The following RGPD8 variants were observed in gnomAD, a reference collection of about 807,000 sequenced individuals.
The protein encoded by RGPD8 is RANBP2-like and GRIP domain-containing protein 8.
RGPD8 carries 15 observed loss-of-function variants against 89.1 expected under a neutral mutation model. The observed-to-expected ratio is 0.17, with a 90% CI of 0.11 to 0.26. RGPD8 has a LOEUF of 0.26. RGPD8 is among the 10% of genes least tolerant of loss of function. The pLI is 1.00. For missense variants in RGPD8, 178 were observed against 1,179.6 expected, an observed-to-expected ratio of 0.15 and a Z score of 12.44; for synonymous variants, 62 against 420.9, an observed-to-expected ratio of 0.15 and a Z score of 10.44.
intron 1 of RGPD8, among the ~76,000 whole-genome samples, chr2:112,432,120 G>C (rs2104412431): frequency 1.3e-5 from 2 of 152,286 alleles, no homozygotes; most frequent in South Asian, 4.1e-4. Flanking sequence ...CGACAGTGCT[G>C]TGATTATTCA....
chr2:112,390,028 C>G lies in RGPD8; in HGVS notation c.2917G>C (p.Asp973His), dbSNP rs759881362. ...TCTCCTGAAGTTGATTTTGCAACAT[C>G]TGCAAATGTAAAAGTGCTACTTGTT... is the stretch of plus-strand genomic sequence containing the variant. ...GQTSSTFTFA[D>H]VAKSTSGEGF... The change falls in exon 20 of 23, where the codon GAT becomes CAT. Residue 973 changes from aspartate to histidine, a missense_variant. Transcript: ENST00000302558. The G allele has an allele frequency of 1.3e-6, 2 of 1,579,912 alleles. No individual in the cohort carries two copies. The highest frequency in any genetic ancestry group is 2.2e-5 in the South Asian group (2 of 89,332).
chr2:112,391,070 C>G lies in RGPD8; in HGVS notation c.2603-1G>C. 1 of 1,585,372 alleles carries G rather than the reference C, an allele frequency of 6.3e-7. No individual in the cohort carries two copies. The highest frequency in any genetic ancestry group is 8.5e-7 in the Non-Finnish European group (1 of 1,175,510). On this transcript the variant is annotated splice_acceptor_variant, in intron 18 of 22. Transcript: ENST00000302558. LOFTEE classifies it high-confidence loss of function. ...TATACTGAAGGGCCAGTAGTTGCAA[C>G]TGAAAAAAAAAAAAGAAAAGAAAGA... is the stretch of plus-strand genomic sequence containing the variant.
chr2:112,433,287 A>G (rs987581943), intron 1 of RGPD8, 95 bp downstream of exon 1: 4 of 1,351,700 alleles, frequency 3.0e-6, no homozygotes, highest in Non-Finnish European at 3.9e-6. Context: ...GTCGGGAGCC[A>G]TGACCCCTGA....
chr2:112,411,037 T>C (rs1469790794), intron 7 of RGPD8, among the ~76,000 whole-genome samples: 4 of 152,078 alleles, frequency 2.6e-5, no homozygotes, highest in Admixed American at 2.0e-4. Context: ...GTGAGCCAGA[T>C]GGCGCCATTG....
chr2:112,387,350 T>C lies in RGPD8; in HGVS notation c.4921+674A>G, dbSNP rs921010474. Reference sequence around the variant, plus strand: ...GAACATCTCAATATCATGTTTTTTTTTGTTTTTTGTTTTTTGTTTTTTTTG... The same window carrying C: ...GAACATCTCAATATCATGTTTTTTTCTGTTTTTTGTTTTTTGTTTTTTTTG... On this transcript the variant is annotated intron_variant, in intron 20 of 22. Transcript: ENST00000302558. Among the ~76,000 whole-genome samples the C allele has an allele frequency of 2.4e-5, 3 of 124,958 alleles. 1 individual carries two copies. The highest frequency in any genetic ancestry group is 9.0e-5 in the African/African-American group (3 of 33,322). 82.0% of individuals were successfully genotyped at this position (124,958 alleles called of 152,430 possible).
chr2:112,422,536 C>G lies in RGPD8; in HGVS notation c.252+12G>C. 1 of 1,610,418 alleles carries G rather than the reference C, an allele frequency of 6.2e-7. No individual in the cohort carries two copies. The highest frequency in any genetic ancestry group is 8.5e-7 in the Non-Finnish European group (1 of 1,179,214). On this transcript the variant is annotated intron_variant, in intron 3 of 22. Coordinates refer to ENST00000302558, the MANE Select transcript of RGPD8 (RefSeq NM_001164463.1). ...GGCTATGCAAAGGCTATATTTGAAT[C>G]CTATAACTTACCCTGTAACATTCAA...
At chr2:112,432,605 G>T in intron 1 of RGPD8, 2 of 985,324 alleles carry the variant, frequency 2.0e-6, no homozygotes, top group Non-Finnish European at 2.4e-6. Flanking sequence ...GGCCAAGGAG[G>T]TACGACCTCC....
chr2:112,371,055 T>C (rs1027668600), intron 22 of RGPD8, among the ~76,000 whole-genome samples: 2 of 151,030 alleles, frequency 1.3e-5, no homozygotes, highest in Non-Finnish European at 2.9e-5. Context: ...TAAGAGGATT[T>C]TAAAAAAAAT....
intron 1 of RGPD8, among the ~76,000 whole-genome samples, chr2:112,426,957 C>T (rs1383707199): frequency 6.6e-6 from 1 of 151,798 alleles, no homozygotes; most frequent in African/African-American, 2.4e-5. Context: ...CCACCATGCC[C>T]AGCTAATTTT....
Position 112,374,579 on chromosome 2 carries a change from G to A in RGPD8, c.5263+3474C>T, listed in dbSNP as rs1049249911. On this transcript the variant is annotated intron_variant, in intron 22 of 22. Coordinates refer to ENST00000302558, the MANE Select transcript of RGPD8 (RefSeq NM_001164463.1). ...AGATTTCTCTCTGTCTTTTTTAGGG[G>A]CAGTTTTACTCTTATGTGACTAGAA... is the stretch of plus-strand genomic sequence containing the variant. Among the ~76,000 whole-genome samples, 100 of 131,044 alleles carry A rather than the reference G, an allele frequency of 7.6e-4. 1 individual carries two copies. The highest frequency in any genetic ancestry group is 2.4e-3 in the African/African-American group (90 of 37,628). 86.0% of individuals were successfully genotyped at this position (131,044 alleles called of 152,430 possible).
chr2:112,372,994 G>A (rs1233636596), intron 22 of RGPD8, among the ~76,000 whole-genome samples: 2 of 143,032 alleles, frequency 1.4e-5, no homozygotes, highest in East Asian at 2.0e-4. Flanking sequence ...ATTCAGATCT[G>A]TAAACTGTAA....
intron 1 of RGPD8, among the ~76,000 whole-genome samples, chr2:112,430,323 G>A (rs540932361): frequency 1.3e-5 from 2 of 152,210 alleles, no homozygotes; most frequent in East Asian, 1.9e-4. Flanking sequence ...TCTATCCAAA[G>A]CACCCTGTTT....
chr2:112,371,205 A>G (rs1677958302), intron 22 of RGPD8, among the ~76,000 whole-genome samples: 1 of 114,354 alleles, frequency 8.7e-6, no homozygotes, highest in African/African-American at 3.3e-5. Context: ...CAACTTACTT[A>G]TAGTAAAACC....
At position 112,432,465 on chromosome 2, in the gene RGPD8, C is replaced by T. The variant is rs928864607; in HGVS notation, c.72+917G>A. 34 of 985,086 alleles carry T rather than the reference C, an allele frequency of 3.5e-5. No individual in the cohort carries two copies. The African/African-American group carries it at 5.8e-4, about 17-fold the overall frequency. The allele number at this position is 985,086 out of a possible 1,614,324, so 61.0% of individuals were successfully genotyped here. ...AGCGACAAACACCTCATACTCAAAACAAGGGGACTTTCCGTGTCATTTGTG... is the reference window on the plus strand; with the variant it reads ...AGCGACAAACACCTCATACTCAAAATAAGGGGACTTTCCGTGTCATTTGTG... On this transcript the variant is annotated intron_variant, in intron 1 of 22. Coordinates refer to ENST00000302558, the MANE Select transcript of RGPD8 (RefSeq NM_001164463.1).
rs1298250258 is a variant in RGPD8 at position 112,410,075 on chromosome 2, CAGG to C, written c.978+2353_978+2355del. Among the ~76,000 whole-genome samples, 31 of 129,794 alleles carry C rather than the reference CAGG, an allele frequency of 2.4e-4. 2 individuals are homozygous for C. The highest frequency in any genetic ancestry group is 9.9e-4 in the African/African-American group (28 of 28,248). The allele number at this position is 129,794 out of a possible 152,430, so 85.1% of individuals were successfully genotyped here. ...GGCCAAGGTGGGCGGATCATGAGGT[CAGG>C]AGATCGAGACCATCCTGGCTAACAC... On this transcript the variant is annotated intron_variant, in intron 7 of 22. Transcript: ENST00000302558.
chr2:112,426,890 A>G (rs2104836190), intron 1 of RGPD8, among the ~76,000 whole-genome samples: 1 of 143,404 alleles, frequency 7.0e-6, no homozygotes, highest in Admixed American at 7.2e-5. Flanking sequence ...CGGTGGCTCG[A>G]TCTCAGCTCA....
intron 20 of RGPD8, among the ~76,000 whole-genome samples, chr2:112,387,469 T>C (rs1457364947): frequency 7.1e-6 from 1 of 140,590 alleles, no homozygotes; most frequent in Non-Finnish European, 1.6e-5. Context: ...CAAGCGATCC[T>C]CCTGCCTCAA....
At chr2:112,413,267 C>T (rs1470613722) in intron 6 of RGPD8, among the ~76,000 whole-genome samples, 5 of 134,922 alleles carry the variant, frequency 3.7e-5, no homozygotes, top group Admixed American at 7.3e-5. Flanking sequence ...ATTACAGGCA[C>T]CTGCCACCAT....
chr2:112,433,455 G>A lies in RGPD8; in HGVS notation c.-2C>T. 2 of 1,607,734 alleles carry A rather than the reference G, an allele frequency of 1.2e-6. No individual in the cohort carries two copies. The highest frequency in any genetic ancestry group is 1.7e-6 in the Non-Finnish European group (2 of 1,178,308). Reference sequence around the variant, plus strand: ...CACATCGGCCTTGCTGCGCCTCATCGCGCCGCCAACCTGGCTCCCGAGACG... The same window carrying A: ...CACATCGGCCTTGCTGCGCCTCATCACGCCGCCAACCTGGCTCCCGAGACG... On this transcript the variant is annotated 5_prime_UTR_variant, in exon 1 of 23. Coordinates refer to ENST00000302558, the MANE Select transcript of RGPD8 (RefSeq NM_001164463.1).
Sources: gnomAD v4.1 joint callset for allele counts (sites outside exome capture counted in the v4.1 genomes callset) on GRCh38, gnomAD v4.1.1 for gene constraint, MANE v1.5 for transcripts, NCBI Gene and HGNC (gene_info 2026-07-23, HGNC 2026-07-21) for gene names.